The following MCCC2 variants were observed in gnomAD, a reference collection of about 807,000 sequenced individuals.
MCCC2 encodes the protein methylcrotonyl-CoA carboxylase subunit 2.
Under a neutral mutation model 77.2 loss-of-function variants are expected in MCCC2, and 52 were observed. The ratio of observed to expected loss-of-function variants is 0.67; its 90% CI spans 0.54 to 0.85. MCCC2 has a LOEUF of 0.85. Among genes scored for constraint, MCCC2 ranks in the 40% least tolerant of loss-of-function variants. The pLI is 0.00. For synonymous variants in MCCC2, 253 were observed against 248.4 expected (o/e 1.02, Z -0.18); for missense variants, 682 against 703.2 (o/e 0.97, Z 0.34).
At chr5:71,648,414 C>T (rs913434850) in intron 13 of MCCC2, among the ~76,000 whole-genome samples, 2 of 152,150 alleles carry the variant, frequency 1.3e-5, no homozygotes, top group African/African-American at 4.8e-5. Context: ...GAAGGATCCT[C>T]TATTGAAATG....
intron 6 of MCCC2, among the ~76,000 whole-genome samples, chr5:71,610,261 A>G (rs1286162226): frequency 6.6e-6 from 1 of 151,774 alleles, no homozygotes; most frequent in Non-Finnish European, 1.5e-5. Flanking sequence ...TGCGGGATAT[A>G]ATCTCCTGGT....
chr5:71,642,927 C>T (rs181541545), intron 11 of MCCC2, among the ~76,000 whole-genome samples: 8 of 152,102 alleles, frequency 5.3e-5, no homozygotes, highest in Admixed American at 3.9e-4. Flanking sequence ...CACTTGAGCC[C>T]GGGAGGTTGA....
At chr5:71,605,955 C>T (rs539511140) in intron 6 of MCCC2, among the ~76,000 whole-genome samples, 1 of 152,148 alleles carries the variant, frequency 6.6e-6, no homozygotes, top group Admixed American at 6.5e-5. Context: ...GGTACCAATA[C>T]CATGCTGTTT....
intron 6 of MCCC2, among the ~76,000 whole-genome samples, chr5:71,612,237 C>A (rs532972244): frequency 2.0e-5 from 3 of 152,170 alleles, no homozygotes; most frequent in Admixed American, 1.3e-4. Flanking sequence ...ATTTATAATA[C>A]AGATGCTGCT....
intron 10 of MCCC2, among the ~76,000 whole-genome samples, chr5:71,639,275 AT>A (rs1459188695): frequency 6.6e-6 from 1 of 152,208 alleles, no homozygotes; most frequent in Non-Finnish European, 1.5e-5. Context: ...TACACTGAAA[AT>A]CTGTTGTTTA....
At chr5:71,613,962 A>C (rs941326244) in intron 6 of MCCC2, among the ~76,000 whole-genome samples, 1 of 151,028 alleles carries the variant, frequency 6.6e-6, no homozygotes, top group African/African-American at 2.4e-5. Flanking sequence ...TTCATATTAT[A>C]TATCTAATTC....
chr5:71,593,039 C>A, intron 2 of MCCC2, 47 bp downstream of exon 2: 1 of 1,447,126 alleles, frequency 6.9e-7, no homozygotes, highest in Non-Finnish European at 9.7e-7. Flanking sequence ...CTTAAGATGT[C>A]CTAAAATAGT....
At chr5:71,646,102 A>T in intron 12 of MCCC2, 109 bp from the exon 13 acceptor site, 1 of 876,488 alleles carries the variant, frequency 1.1e-6, no homozygotes, top group Non-Finnish European at 1.8e-6. Flanking sequence ...AAAATTTTAA[A>T]GGGGAGTATT....
intron 11 of MCCC2, among the ~76,000 whole-genome samples, chr5:71,642,379 C>T (rs557527242): frequency 1.3e-5 from 2 of 152,278 alleles, no homozygotes. Flanking sequence ...TCAGGGTTTC[C>T]TCCTGCCTCA....
At chr5:71,647,354 A>G (rs16869683) in intron 13 of MCCC2, among the ~76,000 whole-genome samples, 5,899 of 152,276 alleles carry the variant, frequency 0.039, 189 homozygotes, top group South Asian at 0.1. Flanking sequence ...GGTTAGATGA[A>G]TGTTGAGAGA....
At chr5:71,614,543 G>A (rs1405636188) in intron 6 of MCCC2, among the ~76,000 whole-genome samples, 3 of 150,092 alleles carry the variant, frequency 2.0e-5, no homozygotes, top group African/African-American at 7.4e-5. Context: ...GTGCAGTGGC[G>A]TGCAATATTG....
At chr5:71,592,838 G>GTTTT in intron 1 of MCCC2, 88 bp from the exon 2 acceptor site, 11 of 822,494 alleles carry the variant, frequency 1.3e-5, no homozygotes, top group East Asian at 5.7e-5. Context: ...ACAGACCACT[G>GTTTT]TTTTTTTTTT....
intron 6 of MCCC2, among the ~76,000 whole-genome samples, chr5:71,607,672 G>T (rs1745740873): frequency 6.8e-6 from 1 of 147,146 alleles, no homozygotes; most frequent in Admixed American, 6.8e-5. Context: ...TGATGTTAGG[G>T]TGTCAATTTT....
At chr5:71,593,022 G>C (rs779681259) in intron 2 of MCCC2, 30 bp downstream of exon 2, 4 of 1,551,728 alleles carry the variant, frequency 2.6e-6, no homozygotes. Flanking sequence ...CACAGCTTAT[G>C]CCTTTACTTA....
In MCCC2 at chr5:71,614,029, TACAC is replaced by T. The variant is rs35292468; in HGVS notation, c.624+9579_624+9582del. Reference sequence around the variant, plus strand: ...TTCATATTATGTATAACGTATATAATACACACACACACACACACACATATATCAG... The same window carrying T: ...TTCATATTATGTATAACGTATATAATACACACACACACACACATATATCAG... On this transcript the variant is annotated intron_variant, in intron 6 of 16. Coordinates refer to ENST00000340941, the MANE Select transcript of MCCC2 (RefSeq NM_022132.5). 1.5e-4 allele frequency among the ~76,000 whole-genome samples: 23 copies of T among 148,396 alleles called. No homozygotes were observed. In the East Asian group the frequency reaches 3.9e-3, roughly 25 times the overall value.
At chr5:71,599,237 G>A (rs1745326669) in intron 3 of MCCC2, among the ~76,000 whole-genome samples, 1 of 152,068 alleles carries the variant, frequency 6.6e-6, no homozygotes, top group Admixed American at 6.5e-5. Context: ...GGTTGTGGTG[G>A]CGCATGCCTG....
rs113555356 is a variant in MCCC2, at chr5:71,589,776, T to C, written c.129+2222T>C. 2.1e-3 allele frequency among the ~76,000 whole-genome samples: 317 copies of C among 152,370 alleles called. 1 individual carries two copies. The highest frequency in any genetic ancestry group is 6.5e-3 in the African/African-American group (271 of 41,588). On this transcript the variant is annotated intron_variant, in intron 1 of 16. Transcript: ENST00000340941. ...ACTCATGTATTTATCATAATGATCC[T>C]GTGCAGTAGGTACAATTGTTATTTC...
chr5:71,595,898 C>G (rs1442698534), intron 2 of MCCC2, among the ~76,000 whole-genome samples: 1 of 152,034 alleles, frequency 6.6e-6, no homozygotes, highest in Non-Finnish European at 1.5e-5. Context: ...TTATTTTTAC[C>G]TGGTACAAAT....
rs527697380 is a variant in MCCC2 at position 71,589,610 on chromosome 5, A to G, written c.129+2056A>G. Among the ~76,000 whole-genome samples, 11 of 152,358 alleles carry G rather than the reference A, an allele frequency of 7.2e-5. No individual in the cohort carries two copies. In the South Asian group the frequency reaches 1.9e-3, roughly 26 times the overall value. On this transcript the variant is annotated intron_variant, in intron 1 of 16. Transcript: ENST00000340941. ...TGCTCACATTAGACAAAGCAAGTCC[A>G]TGAGGGTGGGGGAGAATGGGATGAA... is the stretch of plus-strand genomic sequence containing the variant.
Sources: gnomAD v4.1 joint callset for allele counts (sites outside exome capture counted in the v4.1 genomes callset) on GRCh38, gnomAD v4.1.1 for gene constraint, MANE v1.5 for transcripts, NCBI Gene and HGNC (gene_info 2026-07-23, HGNC 2026-07-21) for gene names.